The following BMPR2 variants were observed in gnomAD, a reference collection of about 807,000 sequenced individuals.
BMPR2 encodes bone morphogenetic protein receptor type-2.
In BMPR2, 29 loss-of-function variants were observed where a neutral mutation model predicts 100.8. The observed-to-expected ratio is 0.29, with a 90% CI of 0.21 to 0.39. The LOEUF is 0.39. Ranked by LOEUF, BMPR2 falls within the 10% of genes least tolerant of loss-of-function variation. BMPR2 has a pLI of 1.00. For synonymous variants in BMPR2, 382 were observed against 442.3 expected, an observed-to-expected ratio of 0.86 and a Z score of 1.71; for missense variants, 1,011 against 1,274.5, an observed-to-expected ratio of 0.79 and a Z score of 3.15.
chr2:202,517,636 C>T (rs1687738054), intron 5 of BMPR2, among the ~76,000 whole-genome samples: 1 of 151,968 alleles, frequency 6.6e-6, no homozygotes, highest in African/African-American at 2.4e-5. Flanking sequence ...AGGCGTGAGC[C>T]ACCACGCCCG....
At position 202,532,782 on chromosome 2, in the gene BMPR2, T is replaced by G. The variant is rs1160844961; in HGVS notation, c.1276+50T>G. On this transcript the variant is annotated intron_variant, in intron 9 of 12. Coordinates refer to ENST00000374580, the MANE Select transcript of BMPR2 (RefSeq NM_001204.7). The surrounding 1 kb of genome is among the most constrained non-coding windows in gnomAD (Gnocchi z 4.1). ...TATTTTTTGAAGTGAAGCAGTTATA[T>G]CTTCTTTCTCTACCTATAGTACCTA... The G allele has an allele frequency of 7.6e-6, 12 of 1,576,428 alleles. No homozygotes were observed. The South Asian group carries it at 1.3e-4, about 17-fold the overall frequency.
At chr2:202,396,909 T>C (rs1000954561) in intron 1 of BMPR2, among the ~76,000 whole-genome samples, 1 of 152,120 alleles carries the variant, frequency 6.6e-6, no homozygotes, top group African/African-American at 2.4e-5. Context: ...GCAATTCTCC[T>C]GCCTCAGCCT....
At chr2:202,469,444 A>C in intron 3 of BMPR2, 2 of 281,648 alleles carry the variant, frequency 7.1e-6, no homozygotes, top group Non-Finnish European at 1.4e-5. Flanking sequence ...CAGTATACGC[A>C]AACTGAAATA....
intron 9 of BMPR2, among the ~76,000 whole-genome samples, chr2:202,537,703 A>T (rs1299404682): frequency 1.3e-5 from 2 of 152,216 alleles, no homozygotes; most frequent in South Asian, 2.1e-4. Context: ...CGATAAAAAA[A>T]AAATAAAGGA....
chr2:202,490,924 T>C (rs1301545775), intron 3 of BMPR2, among the ~76,000 whole-genome samples: 2 of 151,974 alleles, frequency 1.3e-5, no homozygotes, highest in African/African-American at 4.8e-5. Flanking sequence ...TTTTGTTTTT[T>C]GTTTTGTTTT....
chr2:202,506,629 G>A (rs1382025454), intron 3 of BMPR2, among the ~76,000 whole-genome samples: 3 of 151,960 alleles, frequency 2.0e-5, no homozygotes, highest in African/African-American at 4.8e-5. Flanking sequence ...GGCCGGGTGC[G>A]GTGGCTCACA....
chr2:202,394,016 A>C (rs182100117), intron 1 of BMPR2, among the ~76,000 whole-genome samples: 1 of 151,346 alleles, frequency 6.6e-6, no homozygotes, highest in Non-Finnish European at 1.5e-5. Context: ...TCTGTTGCTA[A>C]TGAATATTTC....
At chr2:202,472,035 G>C (rs1262697159) in intron 3 of BMPR2, among the ~76,000 whole-genome samples, 2 of 152,016 alleles carry the variant, frequency 1.3e-5, no homozygotes, top group African/African-American at 2.4e-5. Flanking sequence ...TACTATTCTT[G>C]TGACTGTTGT....
chr2:202,541,832 CT>C (rs1688281541), intron 9 of BMPR2, among the ~76,000 whole-genome samples: 1 of 152,178 alleles, frequency 6.6e-6, no homozygotes, highest in African/African-American at 2.4e-5. Flanking sequence ...ATGCATTAGA[CT>C]GGGCATGGTG....
intron 10 of BMPR2, among the ~76,000 whole-genome samples, chr2:202,549,725 C>T (rs1210328146): frequency 2.9e-5 from 4 of 138,496 alleles, no homozygotes; most frequent in South Asian, 2.3e-4. Context: ...CCAGCCTGGG[C>T]GACAGAGCAA....
rs1688741925 is a variant in BMPR2 at position 202,565,247 on chromosome 2, G to T, written c.*5301G>T. 1 of 152,114 alleles carries T rather than the reference G, an allele frequency of 6.6e-6. No individual in the cohort carries two copies. The highest frequency in any genetic ancestry group is 2.1e-4 in the South Asian group (1 of 4,824). 9.4% of individuals were successfully genotyped at this position (152,114 alleles called of 1,614,324 possible). A position where few individuals can be genotyped will look rare whatever the true frequency, so the allele number is the denominator to read the frequency against. On this transcript the variant is annotated 3_prime_UTR_variant, in exon 13 of 13. Transcript: ENST00000374580. ...TCATCCCCAATATTCTTAGTCTTCA[G>T]TATGCTTCAGGCCTCTCAATGAACA...
At chr2:202,549,532 G>T (rs965767654) in intron 10 of BMPR2, among the ~76,000 whole-genome samples, 14 of 151,984 alleles carry the variant, frequency 9.2e-5, no homozygotes, top group Non-Finnish European at 1.3e-4. Context: ...GTGACCGGGC[G>T]CAGTGGCGGA....
intron 1 of BMPR2, among the ~76,000 whole-genome samples, chr2:202,442,292 G>A (rs551841627): frequency 6.6e-6 from 1 of 150,478 alleles, no homozygotes; most frequent in South Asian, 2.1e-4. Context: ...CCAGCTGTAG[G>A]TAAGTACTAG....
intron 10 of BMPR2, among the ~76,000 whole-genome samples, chr2:202,551,242 C>A (rs140779498): frequency 6.6e-6 from 1 of 151,638 alleles, no homozygotes; most frequent in African/African-American, 2.4e-5. Flanking sequence ...CCTGGCCAGG[C>A]GCAGTGACTC....
chr2:202,556,928 C>G (rs904373219), intron 12 of BMPR2, among the ~76,000 whole-genome samples: 1 of 150,806 alleles, frequency 6.6e-6, no homozygotes, highest in Admixed American at 6.6e-5. Context: ...CTAAAAAATA[C>G]AAAAATTAGC....
At chr2:202,534,731 A>G (rs1423737156) in intron 9 of BMPR2, among the ~76,000 whole-genome samples, 1 of 152,122 alleles carries the variant, frequency 6.6e-6, no homozygotes. Context: ...TCTATTCCAC[A>G]AAGCCGCCAT....
chr2:202,464,046 C>A (rs1692271456), intron 1 of BMPR2, among the ~76,000 whole-genome samples: 1 of 150,634 alleles, frequency 6.6e-6, no homozygotes, highest in Admixed American at 6.7e-5. Context: ...GTAATGCCAG[C>A]TACTCAGGAG....
rs150380212 is a variant in BMPR2, at chr2:202,492,867, AAG to A, written c.419-20847_419-20846del. ...CAAATATCTATCTTGTTTTCCTTAT[AAG>A]AGAGCAAAGGTTACTATGATAATTA... is the stretch of plus-strand genomic sequence containing the variant. On this transcript the variant is annotated intron_variant, in intron 3 of 12. Transcript: ENST00000374580. 6.3e-4 allele frequency among the ~76,000 whole-genome samples: 96 copies of A among 152,258 alleles called. 1 individual carries two copies. In the East Asian group the frequency reaches 0.017, roughly 26 times the overall value.
At chr2:202,393,498 G>A (rs950538106) in intron 1 of BMPR2, among the ~76,000 whole-genome samples, 4 of 152,082 alleles carry the variant, frequency 2.6e-5, no homozygotes, top group African/African-American at 9.7e-5. Context: ...GTCTCGCCAT[G>A]TTGCCCAGGC....
Sources: allele counts gnomAD v4.1 joint callset (sites outside exome capture counted in the v4.1 genomes callset), GRCh38; gene constraint gnomAD v4.1.1; non-coding constraint Gnocchi (gnomAD v3.1); transcripts MANE v1.5; gene names NCBI Gene and HGNC (gene_info 2026-07-23, HGNC 2026-07-21).